Variants in CNTN6 observed in about 807,000 individuals in gnomAD.
CNTN6 encodes the protein contactin 6.
A neutral mutation model predicts 122.8 loss-of-function variants in CNTN6; 137 were observed. The ratio of observed to expected loss-of-function variants is 1.12; its 90% CI spans 0.97 to 1.29. The LOEUF is 1.29. Among genes scored for constraint, CNTN6 ranks in the 50% most tolerant of loss-of-function variants. CNTN6 has a pLI of 0.00. For synonymous variants in CNTN6, 570 were observed against 426.0 expected, an observed-to-expected ratio of 1.34 and a Z score of -4.16; for missense variants, 1,634 against 1,223.4, an observed-to-expected ratio of 1.34 and a Z score of -5.01.
At chr3:1,383,879 A>G (rs115110272) in intron 19 of CNTN6, among the ~76,000 whole-genome samples, 8 of 137,542 alleles carry the variant, frequency 5.8e-5, no homozygotes, top group African/African-American at 2.2e-4. Context: ...CCATTGCCAT[A>G]GAAAGGGATG....
intron 2 of CNTN6, among the ~76,000 whole-genome samples, chr3:1,156,702 T>C: frequency 6.8e-6 from 1 of 147,378 alleles, no homozygotes; most frequent in African/African-American, 2.5e-5. Flanking sequence ...CCTTCCTTCC[T>C]TCCTTCCTTC....
At chr3:1,249,399 C>T (rs942939815) in intron 4 of CNTN6, among the ~76,000 whole-genome samples, 1 of 152,114 alleles carries the variant, frequency 6.6e-6, no homozygotes, top group African/African-American at 2.4e-5. Context: ...AGTATAAATG[C>T]AGACTCACTT....
chr3:1,097,110 G>GT (rs1183284017), intron 1 of CNTN6, among the ~76,000 whole-genome samples: 1 of 152,184 alleles, frequency 6.6e-6, no homozygotes, highest in Non-Finnish European at 1.5e-5. Context: ...TGCATGATGT[G>GT]TTGTAGTATT....
chr3:1,384,080 T>C (rs1428337139), intron 19 of CNTN6, among the ~76,000 whole-genome samples: 2 of 149,494 alleles, frequency 1.3e-5, no homozygotes, highest in Non-Finnish European at 2.9e-5. Flanking sequence ...TAACACATAG[T>C]AGCCATTTTT....
intron 4 of CNTN6, among the ~76,000 whole-genome samples, chr3:1,268,546 G>A (rs1318662859): frequency 3.5e-5 from 5 of 143,588 alleles, no homozygotes; most frequent in African/African-American, 1.3e-4. Flanking sequence ...GGAGGAGCTT[G>A]CAGTGAGCCG....
chr3:1,286,379 G>A (rs1694342742), intron 5 of CNTN6, among the ~76,000 whole-genome samples: 1 of 152,016 alleles, frequency 6.6e-6, no homozygotes. Context: ...CCCAGTGTGT[G>A]ATGGGCCCCT....
At chr3:1,270,032 T>A (rs1219285285) in intron 4 of CNTN6, among the ~76,000 whole-genome samples, 1 of 152,188 alleles carries the variant, frequency 6.6e-6, no homozygotes, top group Non-Finnish European at 1.5e-5. Flanking sequence ...ATTTAGCTAT[T>A]GCCTCTTTTA....
At chr3:1,335,152 G>C (rs1264361754) in intron 11 of CNTN6, among the ~76,000 whole-genome samples, 1 of 152,118 alleles carries the variant, frequency 6.6e-6, no homozygotes, top group Non-Finnish European at 1.5e-5. Flanking sequence ...CAGGTTCTCA[G>C]CTGGTTCATT....
chr3:1,288,024 G>A (rs1284483528), intron 5 of CNTN6, among the ~76,000 whole-genome samples: 3 of 151,840 alleles, frequency 2.0e-5, no homozygotes, highest in Non-Finnish European at 4.4e-5. Flanking sequence ...ATCCCTTCCT[G>A]TGAGAAGCCA....
At chr3:1,144,867 A>G (rs939514791) in intron 1 of CNTN6, among the ~76,000 whole-genome samples, 7 of 152,164 alleles carry the variant, frequency 4.6e-5, no homozygotes, top group African/African-American at 1.7e-4. Context: ...GTACCCAGGA[A>G]CAGAACTACA....
At chr3:1,346,230 T>C (rs982358003) in intron 11 of CNTN6, among the ~76,000 whole-genome samples, 1 of 152,146 alleles carries the variant, frequency 6.6e-6, no homozygotes, top group Non-Finnish European at 1.5e-5. Flanking sequence ...TGAAATAGTT[T>C]AGTTAATTAT....
intron 5 of CNTN6, among the ~76,000 whole-genome samples, chr3:1,284,822 G>A (rs56341411): frequency 0.3 from 46,135 of 152,056 alleles, 8,626 homozygotes; most frequent in East Asian, 0.56. Context: ...TTCAGGTGGA[G>A]GAAATAGCAT....
At chr3:1,277,346 CTTTTTTTTTTTTTTTT>C (rs10599744) in intron 4 of CNTN6, among the ~76,000 whole-genome samples, 4 of 80,192 alleles carry the variant, frequency 5.0e-5, no homozygotes, top group South Asian at 4.1e-4. Flanking sequence ...AGTAGGTTTT[CTTTTTTTTTTTTTTTT>C]TTTTTTTTTT....
intron 11 of CNTN6, among the ~76,000 whole-genome samples, chr3:1,351,859 C>T (rs1043713800): frequency 1.3e-5 from 2 of 151,912 alleles, no homozygotes; most frequent in African/African-American, 4.8e-5. Flanking sequence ...CGTGGTTCAA[C>T]ACCCCATTCT....
At chr3:1,275,441 GCTTTTTACACACAC>G (rs1692160329) in intron 4 of CNTN6, among the ~76,000 whole-genome samples, 2 of 152,004 alleles carry the variant, frequency 1.3e-5, no homozygotes, top group Non-Finnish European at 2.9e-5. Flanking sequence ...TTCACCTCTA[GCTTTTTACACACAC>G]CCTCTCTCTC....
chr3:1,148,656 CT>C, intron 2 of CNTN6, among the ~76,000 whole-genome samples: 1 of 152,268 alleles, frequency 6.6e-6, no homozygotes, highest in South Asian at 2.1e-4. Flanking sequence ...TATCAGTTAA[CT>C]TTTGCTTTGT....
intron 5 of CNTN6, among the ~76,000 whole-genome samples, chr3:1,295,031 T>C (rs1033304601): frequency 1.3e-5 from 2 of 152,140 alleles, no homozygotes; most frequent in South Asian, 2.1e-4. Flanking sequence ...GGCAGGAGAA[T>C]GACTTGAGCT....
intron 2 of CNTN6, among the ~76,000 whole-genome samples, chr3:1,156,631 CTCTT>C (rs528815094): frequency 1.6e-3 from 235 of 147,850 alleles, no homozygotes; most frequent in African/African-American, 5.0e-3. Context: ...TTCTTTCTTT[CTCTT>C]TCTTTCTTTC....
intron 1 of CNTN6, among the ~76,000 whole-genome samples, chr3:1,110,581 G>A (rs1382835795): frequency 2.0e-5 from 3 of 152,056 alleles, no homozygotes; most frequent in African/African-American, 7.2e-5. Flanking sequence ...TACAGACGAA[G>A]CTTGAAGGAA....
Sources: allele counts gnomAD v4.1 joint callset (sites outside exome capture counted in the v4.1 genomes callset), GRCh38; gene constraint gnomAD v4.1.1; transcripts MANE v1.5; gene names NCBI Gene and HGNC (gene_info 2026-07-23, HGNC 2026-07-21).